Variants in TLE2 observed in about 807,000 individuals in gnomAD.
TLE2 encodes the protein transducin-like enhancer protein 2.
In TLE2, 74 loss-of-function variants were observed where a neutral mutation model predicts 97.2. The observed-to-expected ratio is 0.76, with a 90% CI of 0.63 to 0.92. The LOEUF is 0.92. Among genes scored for constraint, TLE2 ranks in the 40% least tolerant of loss-of-function variants. TLE2 has a pLI of 0.00. For synonymous variants in TLE2, 499 were observed against 432.1 expected, an observed-to-expected ratio of 1.15 and a Z score of -1.92; for missense variants, 1,038 against 1,008.7, an observed-to-expected ratio of 1.03 and a Z score of -0.39.
chr19:3,022,615 C>T (rs2089866905), intron 5 of TLE2, among the ~76,000 whole-genome samples: 1 of 152,044 alleles, frequency 6.6e-6, no homozygotes, highest in Admixed American at 6.6e-5. Flanking sequence ...TCACACGGGG[C>T]TGGTGACTGC....
chr19:3,018,921 G>A (rs960405767), intron 7 of TLE2, among the ~76,000 whole-genome samples: 3 of 151,654 alleles, frequency 2.0e-5, no homozygotes, highest in Non-Finnish European at 2.9e-5. Flanking sequence ...CCCAGCCTGT[G>A]CTTGACTAAT....
chr19:3,044,902 C>T (rs186952775), intron 1 of TLE2, among the ~76,000 whole-genome samples: 151 of 152,084 alleles, frequency 9.9e-4, no homozygotes, highest in Non-Finnish European at 1.7e-3. Flanking sequence ...TTGTGCGGAG[C>T]AAAAAATGCT....
intron 19 of TLE2, among the ~76,000 whole-genome samples, chr19:2,998,296 GAGAC>G (rs1274545383): frequency 8.2e-6 from 1 of 121,540 alleles, no homozygotes; most frequent in African/African-American, 3.2e-5. Flanking sequence ...TTTTTTTTGT[GAGAC>G]AGGGTCTAAC....
In TLE2 at chr19:3,009,092, A is replaced by G. The variant is rs185740856; in HGVS notation, c.1174-147T>C. 3.6e-5 allele frequency: 21 copies of G among 587,426 alleles called. No homozygotes were observed. In the Admixed American group the frequency reaches 6.6e-4, roughly 18 times the overall value. 36.4% of individuals were successfully genotyped at this position (587,426 alleles called of 1,614,324 possible). A position where few individuals can be genotyped will look rare whatever the true frequency, so the allele number is the denominator to read the frequency against. On this transcript the variant is annotated intron_variant, in intron 13 of 19. Transcript: ENST00000262953. ...CTTCTCTCTGCCTGTCACACTACAG[A>G]TGAGAGGGCTGAGGTTTTCACTTGA...
At position 3,011,036 on chromosome 19, in the gene TLE2, G is replaced by C; in HGVS notation, c.998C>G (p.Ser333Cys). 3.7e-6 allele frequency: 6 copies of C among 1,606,992 alleles called. No homozygotes were observed. The highest frequency in any genetic ancestry group is 4.2e-6 in the Non-Finnish European group (5 of 1,177,736). ...AAGGTGCTCACCGACGCTGTCCGTGGAAGGTGCTGGCTTGGCAGCAAGCTG... is the reference window on the plus strand; with the variant it reads ...AAGGTGCTCACCGACGCTGTCCGTGCAAGGTGCTGGCTTGGCAGCAAGCTG... ...LCQLAAKPAP[S>C]TDSVALRSPL... Residue 333 changes from serine (S) to cysteine (C), a missense_variant, in exon 12 of 20, where the codon TCC becomes TGC. Coordinates refer to ENST00000262953, the MANE Select transcript of TLE2 (RefSeq NM_003260.5).
intron 5 of TLE2, among the ~76,000 whole-genome samples, chr19:3,020,871 AG>A (rs1318661345): frequency 6.6e-6 from 1 of 151,912 alleles, no homozygotes; most frequent in Non-Finnish European, 1.5e-5. Context: ...GGATCACTTG[AG>A]GTCAGGAGTT....
upstream of TLE2, among the ~76,000 whole-genome samples, chr19:3,030,714 A>C (rs1051502462): frequency 6.6e-6 from 1 of 152,130 alleles, no homozygotes; most frequent in African/African-American, 2.4e-5. Context: ...GCTTGAGCCC[A>C]GGAGTTCAAG....
At chr19:3,015,438 G>T (rs1486868597) in intron 9 of TLE2, among the ~76,000 whole-genome samples, 1 of 152,380 alleles carries the variant, frequency 6.6e-6, no homozygotes, top group African/African-American at 2.4e-5. Context: ...GAAAATGGCT[G>T]TACGGCCAAG....
At chr19:3,015,898 C>T (rs1276836282) in intron 8 of TLE2, 138 bp from the exon 9 acceptor site, 1 of 716,380 alleles carries the variant, frequency 1.4e-6, no homozygotes, top group Non-Finnish European at 2.5e-6. Flanking sequence ...GAAATGGGAG[C>T]TTCCAACGGC....
upstream of TLE2, among the ~76,000 whole-genome samples, chr19:3,046,054 A>G (rs2090138994): frequency 6.6e-6 from 1 of 152,080 alleles, no homozygotes; most frequent in South Asian, 2.1e-4. Flanking sequence ...TATCTTTATG[A>G]TATCTTTGCC....
chr19:3,003,686 ACTT>A (rs963710707), intron 17 of TLE2, among the ~76,000 whole-genome samples: 13 of 143,806 alleles, frequency 9.0e-5, no homozygotes, highest in African/African-American at 2.3e-4. Flanking sequence ...AGGAGACAGA[ACTT>A]CTCACTCTTA....
At position 3,019,216 on chromosome 19, in the gene TLE2, C is replaced by T; in HGVS notation, c.550+67G>A. ...TCCCCTCACGCTGATGTTTGCTACC[C>T]TGGACTGCCAGTCGTCCTCCCCAGC... On this transcript the variant is annotated intron_variant, in intron 7 of 19. Transcript: ENST00000262953. The surrounding 1 kb of genome is among the most constrained non-coding windows in gnomAD (Gnocchi z 5.1). The T allele has an allele frequency of 6.5e-7, 1 of 1,530,174 alleles. No homozygotes were observed. Among genetic ancestry groups the T allele is most frequent in the Admixed American group, 2.0e-5 (1 of 50,494 alleles). The allele number at this position is 1,530,174 out of a possible 1,614,324, so 94.8% of individuals were successfully genotyped here.
chr19:3,002,607 T>G, intron 17 of TLE2, 104 bp from the exon 18 acceptor site: 1 of 1,392,630 alleles, frequency 7.2e-7, no homozygotes, highest in Non-Finnish European at 9.7e-7. Context: ...GGCACAATCA[T>G]GGCTCACTGC....
At chr19:3,009,233 C>G (rs567073250) in intron 13 of TLE2, among the ~76,000 whole-genome samples, 39 of 152,304 alleles carry the variant, frequency 2.6e-4, no homozygotes, top group Non-Finnish European at 5.1e-4. Flanking sequence ...TCTGAAAACT[C>G]CAGCCCCTCC....
chr19:3,033,098 C>T (rs912976547), upstream of TLE2, among the ~76,000 whole-genome samples: 6 of 151,554 alleles, frequency 4.0e-5, no homozygotes, highest in Admixed American at 6.6e-5. Flanking sequence ...CTGCAACCTC[C>T]GCCTCCCAGG....
intron 5 of TLE2, chr19:3,020,694 T>C (rs2145184655): frequency 6.6e-6 from 1 of 152,328 alleles, no homozygotes; most frequent in East Asian, 1.9e-4. Flanking sequence ...CTCTTTGGCA[T>C]CTGGCCTCTC....
chr19:3,008,889 G>A lies in TLE2; in HGVS notation c.1230C>T (p.Pro410=), dbSNP rs370492673. Residue 410 remains proline, a synonymous_variant, in exon 14 of 20, where the codon CCC becomes CCT. Transcript: ENST00000262953. ...CTCACGGCTTTCCCCCAGGGATGCTGGGTAGGGAGGAAGAGACGGATGACC... is the reference window on the plus strand; with the variant it reads ...CTCACGGCTTTCCCCCAGGGATGCTAGGTAGGGAGGAAGAGACGGATGACC... The part of the protein sequence containing the change: ...LRGSSVSSSL[P]SIPGGKPAYS... 1 of 1,592,182 alleles carries A rather than the reference G, an allele frequency of 6.3e-7. No homozygotes were observed. Among genetic ancestry groups the A allele is most frequent in the Non-Finnish European group, 8.6e-7 (1 of 1,169,352 alleles).
rs754743467 is a variant in TLE2, at chr19:3,006,167, C to T, written c.1501-199G>A. ...TCTGACTATAAGCTCCATCCTTTAC[C>T]TATAAGCCCCACCCATGGTTGGCCT... On this transcript the variant is annotated intron_variant, in intron 15 of 19. Transcript: ENST00000262953. The T allele has an allele frequency of 2.8e-5, 26 of 942,236 alleles. 1 individual carries two copies. Among genetic ancestry groups the T allele is most frequent in the South Asian group, 1.4e-4 (11 of 77,284 alleles). The allele number at this position is 942,236 out of a possible 1,614,324, so 58.4% of individuals were successfully genotyped here. A position where few individuals can be genotyped will look rare whatever the true frequency, so the allele number is the denominator to read the frequency against.
Position 2,997,748 on chromosome 19 carries a change from G to A in TLE2, c.*100C>T, listed in dbSNP as rs536539247. On this transcript the variant is annotated 3_prime_UTR_variant, in exon 20 of 20. Transcript: ENST00000262953. The stretch of plus-strand genomic sequence containing the variant: ...TGGCCAGAGAGCAGATGGGATGTAC[G>A]GTTCCTAGGCAGGGCTGGGAGGCGG... The A allele has an allele frequency of 2.4e-5, 20 of 840,180 alleles. No homozygotes were observed. Among genetic ancestry groups the A allele is most frequent in the African/African-American group, 2.2e-4 (13 of 59,736 alleles). The allele number at this position is 840,180 out of a possible 1,614,324, so 52.0% of individuals were successfully genotyped here.
Sources: allele counts gnomAD v4.1 joint callset (sites outside exome capture counted in the v4.1 genomes callset), GRCh38; gene constraint gnomAD v4.1.1; non-coding constraint Gnocchi (gnomAD v3.1); transcripts MANE v1.5; gene names NCBI Gene and HGNC (gene_info 2026-07-23, HGNC 2026-07-21).